The following WWOX variants were observed in gnomAD, a reference collection of about 807,000 sequenced individuals.
WWOX encodes the protein WW domain containing oxidoreductase, also known as WW domain-containing oxidoreductase.
WWOX carries 69 observed loss-of-function variants against 46.2 expected under a neutral mutation model. That is an observed-to-expected ratio of 1.49 (90% confidence interval 1.23 to 1.82). The LOEUF (loss-of-function observed/expected upper bound fraction) is 1.82, where lower values mean the gene tolerates loss of function less well. WWOX is among the 40% of genes most tolerant of loss of function. WWOX has a pLI of 0.00. For missense variants in WWOX, 919 were observed against 542.6 expected (o/e 1.69, Z -6.89); for synonymous variants, 359 against 202.6 (o/e 1.77, Z -6.56).
rs2049126805 is a variant in WWOX at position 79,098,621 on chromosome 16, TAAG to T, written c.1057-112981_1057-112979del. On this transcript the variant is annotated intron_variant, in intron 8 of 8. Coordinates refer to ENST00000566780, the MANE Select transcript of WWOX (RefSeq NM_016373.4). ...CTTAGCGTTTTCTTTTGTTAAAGAG[TAAG>T]AAGAATGGTTTCATAGTGAATTTTT... 4.6e-5 allele frequency among the ~76,000 whole-genome samples: 7 copies of T among 152,286 alleles called. 1 individual carries two copies. The South Asian group carries it at 1.5e-3, about 32-fold the overall frequency.
chr16:79,116,805 C>A (rs1165052645), intron 8 of WWOX, among the ~76,000 whole-genome samples: 2 of 151,744 alleles, frequency 1.3e-5, no homozygotes, highest in African/African-American at 2.4e-5. Context: ...AATGCTGAAT[C>A]CTTTCTAGAA....
At chr16:78,703,986 T>G (rs2048280163) in intron 8 of WWOX, among the ~76,000 whole-genome samples, 1 of 152,176 alleles carries the variant, frequency 6.6e-6, no homozygotes, top group Non-Finnish European at 1.5e-5. Context: ...AGTGCACAAT[T>G]CAGTGGCATA....
intron 8 of WWOX, among the ~76,000 whole-genome samples, chr16:78,779,218 C>A (rs544405662): frequency 6.6e-6 from 1 of 152,284 alleles, no homozygotes; most frequent in East Asian, 1.9e-4. Flanking sequence ...GATCTTGGCT[C>A]AGTACAACAT....
At chr16:78,813,890 C>T (rs903542669) in intron 8 of WWOX, among the ~76,000 whole-genome samples, 2 of 152,132 alleles carry the variant, frequency 1.3e-5, no homozygotes, top group Non-Finnish European at 2.9e-5. Flanking sequence ...CTTGCCTGAG[C>T]AAGCCATTAA....
At chr16:78,361,583 G>T (rs1474030186) in intron 5 of WWOX, among the ~76,000 whole-genome samples, 1 of 151,978 alleles carries the variant, frequency 6.6e-6, no homozygotes, top group Non-Finnish European at 1.5e-5. Context: ...TCTGAAGAAA[G>T]AGCTATCCCT....
At chr16:78,360,849 C>T (rs946590237) in intron 5 of WWOX, among the ~76,000 whole-genome samples, 4 of 150,264 alleles carry the variant, frequency 2.7e-5, no homozygotes, top group South Asian at 2.1e-4. Flanking sequence ...GAGACACGGT[C>T]TCACTCTGTC....
In WWOX at chr16:78,730,023, T is replaced by A. The variant is rs114390492; in HGVS notation, c.1056+297271T>A. On this transcript the variant is annotated intron_variant, in intron 8 of 8. Transcript: ENST00000566780. ...TCATCCTTGTGTTACTTCCAGTTGT[T>A]TCTTATGATAAGTAACAGTGACTTT... 7.5e-3 allele frequency among the ~76,000 whole-genome samples: 1,148 copies of A among 152,306 alleles called. 15 individuals are homozygous for A. The highest frequency in any genetic ancestry group is 0.026 in the African/African-American group (1,099 of 41,582).
chr16:78,621,534 T>G (rs1195098992), intron 8 of WWOX, among the ~76,000 whole-genome samples: 1 of 151,194 alleles, frequency 6.6e-6, no homozygotes, highest in African/African-American at 2.4e-5. Flanking sequence ...GAACTTGGCT[T>G]TTATTGGCCA....
chr16:78,828,053 A>C (rs572738417), intron 8 of WWOX, among the ~76,000 whole-genome samples: 7 of 152,184 alleles, frequency 4.6e-5, no homozygotes, highest in African/African-American at 1.7e-4. Context: ...GGCATTGGCA[A>C]CTGGGAGCCC....
At chr16:78,651,569 C>T (rs1188362735) in intron 8 of WWOX, among the ~76,000 whole-genome samples, 2 of 152,192 alleles carry the variant, frequency 1.3e-5, no homozygotes, top group Admixed American at 6.5e-5. Flanking sequence ...CTTGCCTTTA[C>T]CTGTTCCATG....
At position 78,261,334 on chromosome 16, in the gene WWOX, C is replaced by T. The variant is rs999203226; in HGVS notation, c.516+97045C>T. On this transcript the variant is annotated intron_variant, in intron 5 of 8. Coordinates refer to ENST00000566780, the MANE Select transcript of WWOX (RefSeq NM_016373.4). ...ACATATAAAATTAGGTAAGAGGATACTTTTAATGTATGGTAAGCTATGATT... is the reference window on the plus strand; with the variant it reads ...ACATATAAAATTAGGTAAGAGGATATTTTTAATGTATGGTAAGCTATGATT... Among the ~76,000 whole-genome samples the T allele has an allele frequency of 2.7e-5, 4 of 150,600 alleles. 1 individual carries two copies. Among genetic ancestry groups the T allele is most frequent in the Non-Finnish European group, 5.9e-5 (4 of 67,776 alleles).
At chr16:79,140,256 G>A (rs1045243236) in intron 8 of WWOX, among the ~76,000 whole-genome samples, 1 of 152,176 alleles carries the variant, frequency 6.6e-6, no homozygotes, top group African/African-American at 2.4e-5. Context: ...TGAAATGCAC[G>A]CTCTGAGCAG....
chr16:78,355,841 G>T lies in WWOX; in HGVS notation c.517-31019G>T, dbSNP rs551710616. 2.6e-5 allele frequency: 18 copies of T among 682,968 alleles called. No homozygotes were observed. In the African/African-American group the frequency reaches 3.2e-4, roughly 12 times the overall value. 42.3% of individuals were successfully genotyped at this position (682,968 alleles called of 1,614,324 possible). A position where few individuals can be genotyped will look rare whatever the true frequency, so the allele number is the denominator to read the frequency against. ...TCCACTGAGAGTTGGCTGAAACAAA[G>T]AATTTGTCCTGTACGGAAAACAGGA... On this transcript the variant is annotated intron_variant, in intron 5 of 8. Coordinates refer to ENST00000566780, the MANE Select transcript of WWOX (RefSeq NM_016373.4).
chr16:78,518,015 A>C (rs939429235), intron 8 of WWOX, among the ~76,000 whole-genome samples: 5 of 151,826 alleles, frequency 3.3e-5, no homozygotes, highest in African/African-American at 1.2e-4. Context: ...TTTGTATTCC[A>C]GCCCCCACCT....
chr16:78,916,239 C>T (rs182799432), intron 8 of WWOX, among the ~76,000 whole-genome samples: 37 of 152,254 alleles, frequency 2.4e-4, no homozygotes, highest in Admixed American at 2.1e-3. Context: ...ACAAGTTTGC[C>T]GGCCAGGAAG....
At chr16:78,103,182 C>T (rs1184216697) in intron 1 of WWOX, among the ~76,000 whole-genome samples, 1 of 152,026 alleles carries the variant, frequency 6.6e-6, no homozygotes, top group African/African-American at 2.4e-5. Flanking sequence ...TTCCAAACGC[C>T]TTTCCTCCAG....
intron 8 of WWOX, among the ~76,000 whole-genome samples, chr16:78,777,505 G>A (rs865928538): frequency 3.3e-5 from 5 of 152,140 alleles, no homozygotes; most frequent in Admixed American, 6.6e-5. Flanking sequence ...GAAAGACACC[G>A]TGCCTGCTGC....
chr16:78,240,572 G>A (rs1047683007), intron 5 of WWOX, among the ~76,000 whole-genome samples: 1 of 152,078 alleles, frequency 6.6e-6, no homozygotes, highest in Non-Finnish European at 1.5e-5. Context: ...GTGCTGATAC[G>A]CTAGGGCAGC....
chr16:78,536,997 A>G (rs893104321), intron 8 of WWOX, among the ~76,000 whole-genome samples: 5 of 150,862 alleles, frequency 3.3e-5, no homozygotes, highest in South Asian at 2.1e-4. Context: ...ACTGACTGCA[A>G]CGTGCACCTC....
Sources: allele counts gnomAD v4.1 joint callset (sites outside exome capture counted in the v4.1 genomes callset), GRCh38; gene constraint gnomAD v4.1.1; transcripts MANE v1.5; gene names NCBI Gene and HGNC (gene_info 2026-07-23, HGNC 2026-07-21).